The following BCKDHB variants were observed in gnomAD, a reference collection of about 807,000 sequenced individuals.
The protein encoded by BCKDHB is branched chain keto acid dehydrogenase E1 subunit beta, also known as 2-oxoisovalerate dehydrogenase subunit beta, mitochondrial.
A neutral mutation model predicts 48.5 loss-of-function variants in BCKDHB; 41 were observed. That is an observed-to-expected ratio of 0.85 (90% CI 0.66 to 1.10). The LOEUF (loss-of-function observed/expected upper bound fraction) is 1.10, where lower values mean the gene tolerates loss of function less well. Ranked by LOEUF, BCKDHB falls within the 50% of genes least tolerant of loss-of-function variation. BCKDHB has a pLI of 0.00. For missense variants in BCKDHB, 496 were observed against 494.2 expected, an observed-to-expected ratio of 1.00 and a Z score of -0.03; for synonymous variants, 201 against 174.8, an observed-to-expected ratio of 1.15 and a Z score of -1.18.
intron 9 of BCKDHB, among the ~76,000 whole-genome samples, chr6:80,332,377 A>G (rs549434098): frequency 1.3e-5 from 2 of 152,254 alleles, no homozygotes; most frequent in East Asian, 3.9e-4. Context: ...AAAAAAATGA[A>G]TTTAATTTTA....
chr6:80,194,596 A>T (rs1007997321), intron 6 of BCKDHB, among the ~76,000 whole-genome samples: 1 of 152,060 alleles, frequency 6.6e-6, no homozygotes, highest in African/African-American at 2.4e-5. Flanking sequence ...CTGCTCCTCA[A>T]ATTGGATTTG....
rs1400121541 is a variant in BCKDHB, at chr6:80,167,678, GA to G, written c.348del (p.Asp117IlefsTer113). Reference protein sequence around the residue: ...RCTVGLRDKYGKDRVFNTPLC... With the variant: ...RCTVGLRDKYXKDRVFNTPLC... The stretch of plus-strand genomic sequence containing the variant: ...ACCTTTTTTTCTTTTCTATTTTAAG[GA>G]AAAGATAGAGTTTTTAATACCCCAT... On this transcript the variant is annotated frameshift_variant and splice_region_variant, in exon 4 of 10. Coordinates refer to ENST00000320393, the MANE Select transcript of BCKDHB (RefSeq NM_183050.4). LOFTEE classifies it high-confidence loss of function. 3.7e-6 allele frequency: 6 copies of G among 1,606,452 alleles called. No homozygotes were observed. The Admixed American group carries it at 8.3e-5, about 22-fold the overall frequency.
At chr6:80,378,879 G>A in the BCKDHB span, among the ~76,000 whole-genome samples, 138,961 of 152,072 alleles carry the variant, frequency 0.91, 64,797 homozygotes, top group East Asian at 1. Flanking sequence ...TTCTCTGATG[G>A]TTAGTGATGT....
chr6:80,401,418 T>C, the BCKDHB span, among the ~76,000 whole-genome samples: 1 of 151,772 alleles, frequency 6.6e-6, no homozygotes. Flanking sequence ...GTTTAGAACA[T>C]TTAACATAAG....
intron 1 of BCKDHB, among the ~76,000 whole-genome samples, chr6:80,118,820 G>T (rs1221672613): frequency 6.6e-6 from 1 of 152,036 alleles, no homozygotes; most frequent in South Asian, 2.1e-4. Flanking sequence ...CCATCTCAAG[G>T]CTCCACTTTC....
At chr6:80,363,648 A>G in the BCKDHB span, among the ~76,000 whole-genome samples, 1 of 152,334 alleles carries the variant, frequency 6.6e-6, no homozygotes, top group South Asian at 2.1e-4. Context: ...CTTTATTGTC[A>G]TAATATATGA....
At chr6:80,127,000 T>C (rs1415243141) in intron 1 of BCKDHB, among the ~76,000 whole-genome samples, 1 of 152,210 alleles carries the variant, frequency 6.6e-6, no homozygotes, top group Admixed American at 6.5e-5. Flanking sequence ...AGATATTCTA[T>C]TTAAGTAATA....
intron 3 of BCKDHB, among the ~76,000 whole-genome samples, chr6:80,152,462 G>A (rs1771832346): frequency 6.6e-6 from 1 of 152,088 alleles, no homozygotes; most frequent in Non-Finnish European, 1.5e-5. Flanking sequence ...TAAAGGAGAG[G>A]CTAACAAGCT....
chr6:80,107,038 C>T, intron 1 of BCKDHB, 149 bp downstream of exon 1: 1 of 1,039,762 alleles, frequency 9.6e-7, no homozygotes. Flanking sequence ...GCCTCAGGGT[C>T]TAACTGTGGT....
the BCKDHB span, among the ~76,000 whole-genome samples, chr6:80,466,298 A>G: frequency 6.6e-6 from 1 of 152,144 alleles, no homozygotes; most frequent in Non-Finnish European, 1.5e-5. Context: ...ATTTACGTAC[A>G]TTATTAACAA....
intron 1 of BCKDHB, among the ~76,000 whole-genome samples, chr6:80,118,750 G>T (rs930864619): frequency 6.7e-6 from 1 of 150,066 alleles, no homozygotes; most frequent in African/African-American, 2.4e-5. Flanking sequence ...ATCTTCATTA[G>T]CAATGGATTT....
chr6:80,358,531 T>G, the BCKDHB span, among the ~76,000 whole-genome samples: 1 of 152,220 alleles, frequency 6.6e-6, no homozygotes, highest in Non-Finnish European at 1.5e-5. Context: ...CAATGGAATA[T>G]TATTCTATCA....
intron 9 of BCKDHB, among the ~76,000 whole-genome samples, chr6:80,298,586 A>C (rs1767388385): frequency 6.6e-6 from 1 of 152,222 alleles, no homozygotes; most frequent in East Asian, 1.9e-4. Flanking sequence ...GAAAGGACTC[A>C]TTCCCTAAGC....
intron 9 of BCKDHB, among the ~76,000 whole-genome samples, chr6:80,319,685 G>C (rs1768615975): frequency 6.6e-6 from 1 of 152,130 alleles, no homozygotes; most frequent in African/African-American, 2.4e-5. Flanking sequence ...TTTCCAATAA[G>C]ATAATTTATA....
intron 8 of BCKDHB, among the ~76,000 whole-genome samples, chr6:80,228,902 C>T (rs1678851557): frequency 6.6e-6 from 1 of 152,138 alleles, no homozygotes; most frequent in Non-Finnish European, 1.5e-5. Context: ...CCTGGACTTC[C>T]AACCTTCCAG....
At chr6:80,364,847 A>G in the BCKDHB span, among the ~76,000 whole-genome samples, 2 of 152,178 alleles carry the variant, frequency 1.3e-5, no homozygotes, top group African/African-American at 2.4e-5. Context: ...CAATATTTCA[A>G]CGGAGGTTCT....
At chr6:80,195,472 T>G (rs1774089487) in intron 6 of BCKDHB, among the ~76,000 whole-genome samples, 1 of 152,190 alleles carries the variant, frequency 6.6e-6, no homozygotes. Flanking sequence ...AGATTACTAA[T>G]TCAGAAAATG....
At chr6:80,274,178 C>A (rs1007682832) in intron 9 of BCKDHB, among the ~76,000 whole-genome samples, 15 of 151,820 alleles carry the variant, frequency 9.9e-5, no homozygotes, top group African/African-American at 3.1e-4. Flanking sequence ...AATGAAATAT[C>A]TTAAGTGCTA....
chr6:80,266,797 T>A (rs940938509), intron 8 of BCKDHB, among the ~76,000 whole-genome samples: 1 of 152,050 alleles, frequency 6.6e-6, no homozygotes, highest in Non-Finnish European at 1.5e-5. Flanking sequence ...AGACTTCCAG[T>A]CTTGAAGAGT....
Sources: allele counts gnomAD v4.1 joint callset (sites outside exome capture counted in the v4.1 genomes callset), GRCh38; gene constraint gnomAD v4.1.1; transcripts MANE v1.5; gene names NCBI Gene and HGNC (gene_info 2026-07-23, HGNC 2026-07-21).